RBFOX1: variants seen among roughly 807,000 people sequenced by gnomAD.
RBFOX1 encodes the protein RNA binding fox-1 homolog 1.
RBFOX1 carries 8 observed loss-of-function variants against 57.7 expected under a neutral mutation model. The ratio of observed to expected loss-of-function variants is 0.14; its 90% CI spans 0.08 to 0.25. The LOEUF (loss-of-function observed/expected upper bound fraction) is 0.25. Among genes scored for constraint, RBFOX1 ranks in the 10% least tolerant of loss-of-function variants. The pLI, the probability that RBFOX1 is intolerant of heterozygous loss-of-function variation, is 1.00. For missense variants in RBFOX1, 611 were observed against 548.5 expected (o/e 1.11, Z -1.14); for synonymous variants, 326 against 222.4 (o/e 1.47, Z -4.15).
chr16:6,907,634 G>A (rs924967064), intron 3 of RBFOX1, among the ~76,000 whole-genome samples: 2 of 152,170 alleles, frequency 1.3e-5, no homozygotes, highest in Admixed American at 6.5e-5. Context: ...GCAGTGGCAC[G>A]ATCTTGGCTC....
chr16:6,946,815 C>T (rs556913652), intron 3 of RBFOX1, among the ~76,000 whole-genome samples: 1 of 152,230 alleles, frequency 6.6e-6, no homozygotes, highest in South Asian at 2.1e-4. Flanking sequence ...CTGTATTGCC[C>T]AAGGCTGGTC....
intron 2 of RBFOX1, among the ~76,000 whole-genome samples, chr16:6,616,477 C>G (rs12925554): frequency 0.054 from 8,181 of 151,934 alleles, 313 homozygotes; most frequent in Non-Finnish European, 0.078. Context: ...GAGATCGAGA[C>G]CATCCTGGCT....
intron 2 of RBFOX1, among the ~76,000 whole-genome samples, chr16:5,474,097 T>G (rs911426933): frequency 1.6e-4 from 24 of 152,150 alleles, no homozygotes; most frequent in African/African-American, 5.6e-4. Flanking sequence ...TCTGGCTGAA[T>G]TTTCCTGAGT....
At chr16:6,564,419 C>T (rs1163396763) in intron 2 of RBFOX1, among the ~76,000 whole-genome samples, 1 of 152,082 alleles carries the variant, frequency 6.6e-6, no homozygotes, top group African/African-American at 2.4e-5. Flanking sequence ...GAGATCGTGC[C>T]ACTACACTCC....
chr16:5,518,650 G>C (rs1014293902), intron 2 of RBFOX1, among the ~76,000 whole-genome samples: 2 of 152,186 alleles, frequency 1.3e-5, no homozygotes, highest in African/African-American at 2.4e-5. Flanking sequence ...GTTCATATTA[G>C]TGGGTTCTGG....
At chr16:6,540,039 C>T (rs1599268716) in intron 2 of RBFOX1, among the ~76,000 whole-genome samples, 1 of 152,118 alleles carries the variant, frequency 6.6e-6, no homozygotes. Flanking sequence ...TCAACAGTCT[C>T]TGTCCTGGGT....
In RBFOX1 at chr16:6,898,858, A is replaced by ATATG. The variant is rs765799271; in HGVS notation, c.-15-153196_-15-153195insGTAT. 6.7e-5 allele frequency among the ~76,000 whole-genome samples: 10 copies of ATATG among 149,794 alleles called. 2 individuals carry two copies. Among genetic ancestry groups the ATATG allele is most frequent in the East Asian group, 2.0e-4 (1 of 5,058 alleles). On this transcript the variant is annotated intron_variant, in intron 3 of 15. Coordinates refer to ENST00000550418, the MANE Select transcript of RBFOX1 (RefSeq NM_018723.4). ...ATGTGTGTGCATGTGTATGTGTAAT[A>ATATG]TATTACACACATGTACACGTGTATA... is the stretch of plus-strand genomic sequence containing the variant.
At chr16:7,077,260 G>A (rs1321493718) in intron 4 of RBFOX1, among the ~76,000 whole-genome samples, 2 of 152,222 alleles carry the variant, frequency 1.3e-5, no homozygotes, top group East Asian at 3.8e-4. Flanking sequence ...TGGTGGGCAA[G>A]GTACTGTTAG....
chr16:6,751,372 C>G (rs1047213883), intron 3 of RBFOX1, among the ~76,000 whole-genome samples: 7 of 151,970 alleles, frequency 4.6e-5, no homozygotes, highest in African/African-American at 1.7e-4. Flanking sequence ...AGAATGCATG[C>G]TAGTAGATAA....
chr16:7,315,455 T>TACCCA (rs947377653), intron 4 of RBFOX1, among the ~76,000 whole-genome samples: 1 of 114,034 alleles, frequency 8.8e-6, no homozygotes, highest in Non-Finnish European at 1.8e-5. Flanking sequence ...TACTCTACCC[T>TACCCA]ACCCCCCCCC....
chr16:5,486,113 G>A (rs1470626463), intron 2 of RBFOX1, among the ~76,000 whole-genome samples: 1 of 152,062 alleles, frequency 6.6e-6, no homozygotes, highest in Non-Finnish European at 1.5e-5. Context: ...CTTTATTCCA[G>A]TCATTCCTTA....
At chr16:6,531,412 T>C (rs954824760) in intron 2 of RBFOX1, among the ~76,000 whole-genome samples, 1 of 152,204 alleles carries the variant, frequency 6.6e-6, no homozygotes, top group East Asian at 1.9e-4. Context: ...TCTTAAGACA[T>C]CTTACTCGTT....
chr16:5,653,906 G>A (rs1191859914), intron 3 of RBFOX1, among the ~76,000 whole-genome samples: 1 of 152,196 alleles, frequency 6.6e-6, no homozygotes, highest in East Asian at 1.9e-4. Flanking sequence ...AAAGATGAGA[G>A]GATAAAGTCA....
intron 1 of RBFOX1, among the ~76,000 whole-genome samples, chr16:6,284,208 A>G (rs368662526): frequency 6.6e-6 from 1 of 152,182 alleles, no homozygotes; most frequent in East Asian, 1.9e-4. Context: ...TGCAATTTAT[A>G]TTCTTTTTCA....
At chr16:7,000,315 G>A (rs528252878) in intron 3 of RBFOX1, among the ~76,000 whole-genome samples, 4 of 152,018 alleles carry the variant, frequency 2.6e-5, no homozygotes, top group African/African-American at 7.2e-5. Flanking sequence ...AAACATGATC[G>A]ATATGTCTCA....
chr16:7,060,214 G>C (rs2053824526), intron 4 of RBFOX1, among the ~76,000 whole-genome samples: 1 of 152,134 alleles, frequency 6.6e-6, no homozygotes, highest in African/African-American at 2.4e-5. Context: ...TAGCACAAAA[G>C]CAGCCATAGA....
chr16:5,538,535 G>A (rs943734030), intron 2 of RBFOX1, among the ~76,000 whole-genome samples: 2 of 151,954 alleles, frequency 1.3e-5, no homozygotes, highest in African/African-American at 4.8e-5. Context: ...TGTGTTTTTC[G>A]CAGAGTCTTC....
At chr16:6,787,090 T>G (rs9932657) in intron 3 of RBFOX1, among the ~76,000 whole-genome samples, 18 of 151,974 alleles carry the variant, frequency 1.2e-4, no homozygotes, top group Admixed American at 1.2e-3. Flanking sequence ...CCCTCATAGA[T>G]TGTACCTTCA....
chr16:7,177,870 G>C (rs2081982439), intron 4 of RBFOX1, among the ~76,000 whole-genome samples: 1 of 152,296 alleles, frequency 6.6e-6, no homozygotes, highest in South Asian at 2.1e-4. Flanking sequence ...AAGCAGACAG[G>C]ATTTGGCCTG....
Sources: allele counts gnomAD v4.1 joint callset (sites outside exome capture counted in the v4.1 genomes callset), GRCh38; gene constraint gnomAD v4.1.1; transcripts MANE v1.5; gene names NCBI Gene and HGNC (gene_info 2026-07-23, HGNC 2026-07-21).